NOL4L: variants seen among roughly 807,000 people sequenced by gnomAD.
NOL4L encodes nucleolar protein 4-like.
Under a neutral mutation model 64.5 loss-of-function variants are expected in NOL4L, and 7 were observed. The ratio of observed to expected loss-of-function variants is 0.11; its 90% CI spans 0.06 to 0.20. The LOEUF (loss-of-function observed/expected upper bound fraction) is 0.20. Among genes scored for constraint, NOL4L ranks in the 10% least tolerant of loss-of-function variants. The pLI is 1.00. For missense variants in NOL4L, 680 were observed against 967.1 expected (o/e 0.70, Z 3.94); for synonymous variants, 413 against 401.0 (o/e 1.03, Z -0.36).
At chr20:32,579,319 G>A (rs1770281084) in intron 1 of NOL4L, among the ~76,000 whole-genome samples, 1 of 152,168 alleles carries the variant, frequency 6.6e-6, no homozygotes, top group African/African-American at 2.4e-5. Flanking sequence ...CACCCACACA[G>A]TTGCACTTTT....
intron 5 of NOL4L, among the ~76,000 whole-genome samples, chr20:32,473,072 C>T (rs1470776191): frequency 6.6e-6 from 1 of 152,228 alleles, no homozygotes; most frequent in Non-Finnish European, 1.5e-5. Flanking sequence ...CTCCCCAGGA[C>T]GTGTCTCCAA....
intron 4 of NOL4L, among the ~76,000 whole-genome samples, chr20:32,501,983 A>G (rs1273140875): frequency 6.6e-6 from 1 of 152,206 alleles, no homozygotes; most frequent in African/African-American, 2.4e-5. Flanking sequence ...ATAATAATAT[A>G]AACAATGAAT....
chr20:32,556,204 C>A (rs532643186), intron 1 of NOL4L, among the ~76,000 whole-genome samples: 1 of 152,110 alleles, frequency 6.6e-6, no homozygotes, highest in Admixed American at 6.6e-5. Flanking sequence ...ATTCCCCGAC[C>A]AAAACAGCAC....
intron 1 of NOL4L, among the ~76,000 whole-genome samples, chr20:32,549,430 T>G (rs558242808): frequency 4.4e-4 from 67 of 152,154 alleles, no homozygotes; most frequent in Non-Finnish European, 8.5e-4. Flanking sequence ...TCACACCCAC[T>G]AGGATGGCTC....
chr20:32,562,352 C>T (rs1979080762), intron 1 of NOL4L, among the ~76,000 whole-genome samples: 3 of 152,206 alleles, frequency 2.0e-5, no homozygotes, highest in Non-Finnish European at 4.4e-5. Flanking sequence ...GACCTCAACG[C>T]CGCCTGCCCC....
intron 4 of NOL4L, among the ~76,000 whole-genome samples, chr20:32,482,227 C>T (rs1362091417): frequency 2.0e-5 from 3 of 151,616 alleles, no homozygotes; most frequent in African/African-American, 7.3e-5. Flanking sequence ...AGCCTCTTCA[C>T]ACTTTCTTTT....
chr20:32,466,458 C>T (rs1223413282), intron 5 of NOL4L, among the ~76,000 whole-genome samples: 1 of 152,232 alleles, frequency 6.6e-6, no homozygotes, highest in Non-Finnish European at 1.5e-5. Flanking sequence ...ATTGTCTGTG[C>T]CGCCTGCGGC....
At chr20:32,509,893 G>A (rs766866773) in intron 4 of NOL4L, 103 of 1,304,182 alleles carry the variant, frequency 7.9e-5, no homozygotes, top group Non-Finnish European at 9.4e-5. Context: ...AGATGAGCAC[G>A]GTGATAACAG....
chr20:32,447,791 GC>G lies in NOL4L; in HGVS notation c.1847del (p.Gly616AlafsTer76). ...GGGTGGTGGAGGTGGTAGAGGCCCC[GC>G]CTTTCATGCTGAGGTCCGTGGGCCC... ...SNGPTDLSMK[G>X]GASTTSTTPT... On this transcript the variant is annotated frameshift_variant, in exon 11 of 11. Transcript: ENST00000621426. LOFTEE classifies it high-confidence loss of function. The G allele has an allele frequency of 6.4e-7, 1 of 1,570,324 alleles. No individual in the cohort carries two copies. Among genetic ancestry groups the G allele is most frequent in the Non-Finnish European group, 8.7e-7 (1 of 1,154,832 alleles).
intron 1 of NOL4L, among the ~76,000 whole-genome samples, chr20:32,562,110 A>G (rs984051433): frequency 6.6e-6 from 1 of 152,170 alleles, no homozygotes; most frequent in African/African-American, 2.4e-5. Flanking sequence ...CGTCAGGACT[A>G]TTTCATTCTC....
chr20:32,448,005 G>C (rs1488886723), intron 10 of NOL4L, among the ~76,000 whole-genome samples, 189 bp from the exon 11 acceptor site: 1 of 152,206 alleles, frequency 6.6e-6, no homozygotes, highest in Non-Finnish European at 1.5e-5. Flanking sequence ...GCGGGCGACA[G>C]GGTTCTCAGA....
intron 1 of NOL4L, among the ~76,000 whole-genome samples, chr20:32,562,677 C>A (rs554624815): frequency 6.6e-6 from 1 of 152,018 alleles, no homozygotes; most frequent in African/African-American, 2.4e-5. Context: ...AGAATGCTCC[C>A]GGCCTGGTAT....
chr20:32,513,710 A>G lies in NOL4L; in HGVS notation c.590-2254T>C, dbSNP rs78401705. On this transcript the variant is annotated intron_variant, in intron 3 of 10. Transcript: ENST00000621426. ...AGTCCCTCGTCTCTACTAAAAGGTA[A>G]AAATGTTAGCTGGGTGTGGTGGCAC... Among the ~76,000 whole-genome samples the G allele has an allele frequency of 2.0e-4, 31 of 152,216 alleles. No individual in the cohort carries two copies. The East Asian group carries it at 5.2e-3, about 26-fold the overall frequency.
intron 3 of NOL4L, among the ~76,000 whole-genome samples, chr20:32,515,657 G>C (rs1349654915): frequency 3.3e-5 from 5 of 152,164 alleles, no homozygotes; most frequent in Non-Finnish European, 7.4e-5. Context: ...GAACAAGGAA[G>C]AAGTGGGTTC....
intron 2 of NOL4L, 80 bp from the exon 3 acceptor site, chr20:32,521,002 T>A (rs6141745): frequency 0.27 from 223,938 of 824,356 alleles, 39,093 homozygotes; most frequent in East Asian, 0.82. Flanking sequence ...GGTCTGAGCT[T>A]TGGTGGCAGG....
chr20:32,452,790 T>C (rs1313166457), intron 9 of NOL4L, 94 bp downstream of exon 9: 2 of 1,559,310 alleles, frequency 1.3e-6, no homozygotes, highest in Non-Finnish European at 1.7e-6. Context: ...CTCCCGACTG[T>C]ACCCATCACA....
At chr20:32,458,689 G>A (rs2013777879) in intron 5 of NOL4L, among the ~76,000 whole-genome samples, 1 of 152,234 alleles carries the variant, frequency 6.6e-6, no homozygotes, top group African/African-American at 2.4e-5. Flanking sequence ...GAGGGCCTTA[G>A]ATTCCTCCTC....
chr20:32,447,403 CAAAAAAAAAAAAAAAA>C lies in NOL4L; in HGVS notation c.*177_*192del. On this transcript the variant is annotated 3_prime_UTR_variant, in exon 11 of 11. Coordinates refer to ENST00000621426, the MANE Select transcript of NOL4L (RefSeq NM_001256798.2). ...TCAGAGCACCCGTGTGGTGAGATTC[CAAAAAAAAAAAAAAAA>C]AAAAAAAAAAGTGTCCTTGTGCCCA... is the stretch of plus-strand genomic sequence containing the variant. 1.3e-5 allele frequency: 2 copies of C among 150,962 alleles called. No individual in the cohort carries two copies. Among genetic ancestry groups the C allele is most frequent in the South Asian group, 5.4e-5 (1 of 18,588 alleles). 9.4% of individuals were successfully genotyped at this position (150,962 alleles called of 1,614,324 possible).
intron 1 of NOL4L, among the ~76,000 whole-genome samples, chr20:32,553,919 G>A (rs1407807540): frequency 6.6e-6 from 1 of 152,186 alleles, no homozygotes; most frequent in Non-Finnish European, 1.5e-5. Flanking sequence ...TTAACCACAG[G>A]GGAAAGTGGG....
Sources: gnomAD v4.1 joint callset for allele counts (sites outside exome capture counted in the v4.1 genomes callset) on GRCh38, gnomAD v4.1.1 for gene constraint, MANE v1.5 for transcripts, NCBI Gene and HGNC (gene_info 2026-07-23, HGNC 2026-07-21) for gene names.